The following WASF1 variants were observed in gnomAD, a reference collection of about 807,000 sequenced individuals.
WASF1 encodes actin-binding protein WASF1.
In WASF1, 7 loss-of-function variants were observed where a neutral mutation model predicts 50.5. That is an observed-to-expected ratio of 0.14 (90% CI 0.08 to 0.26). The LOEUF (loss-of-function observed/expected upper bound fraction) is 0.26, where lower values mean the gene tolerates loss of function less well. WASF1 is among the 10% of genes least tolerant of loss of function. The pLI, the probability that WASF1 is intolerant of heterozygous loss-of-function variation, is 1.00. For synonymous variants in WASF1, 205 were observed against 244.0 expected (o/e 0.84, Z 1.49); for missense variants, 470 against 694.7 (o/e 0.68, Z 3.64).
At chr6:110,118,567 A>G (rs1773923012) in intron 4 of WASF1, among the ~76,000 whole-genome samples, 1 of 152,078 alleles carries the variant, frequency 6.6e-6, no homozygotes, top group African/African-American at 2.4e-5. Context: ...ACCTACAAAG[A>G]AACTTAGACT....
intron 3 of WASF1, among the ~76,000 whole-genome samples, chr6:110,136,454 CTGAGT>C (rs1479701735): frequency 1.3e-5 from 2 of 152,144 alleles, no homozygotes; most frequent in Non-Finnish European, 2.9e-5. Context: ...TATAGCTTTA[CTGAGT>C]TTTGTCTACT....
At chr6:110,108,226 C>T (rs929122798) in intron 6 of WASF1, among the ~76,000 whole-genome samples, 4 of 150,440 alleles carry the variant, frequency 2.7e-5, no homozygotes, top group Non-Finnish European at 4.4e-5. Context: ...GAGCTTTTTC[C>T]ATTTGATTAA....
At chr6:110,160,144 C>G (rs546497353) in intron 3 of WASF1, among the ~76,000 whole-genome samples, 14 of 151,820 alleles carry the variant, frequency 9.2e-5, no homozygotes, top group South Asian at 8.3e-4. Context: ...CTTGTTACAT[C>G]ACAGTAAAAA....
At chr6:110,166,933 C>T (rs903212509) in intron 2 of WASF1, among the ~76,000 whole-genome samples, 4 of 151,714 alleles carry the variant, frequency 2.6e-5, no homozygotes, top group Admixed American at 1.3e-4. Flanking sequence ...CAGAATCTTC[C>T]AAGGATAAAG....
At chr6:110,138,680 CA>C (rs1302740897) in intron 3 of WASF1, among the ~76,000 whole-genome samples, 2 of 152,278 alleles carry the variant, frequency 1.3e-5, no homozygotes, top group Non-Finnish European at 2.9e-5. Flanking sequence ...TGAGGAGACC[CA>C]AAGTGGGTAG....
chr6:110,132,103 C>T (rs1285228865), intron 3 of WASF1, among the ~76,000 whole-genome samples: 1 of 152,012 alleles, frequency 6.6e-6, no homozygotes, highest in Admixed American at 6.6e-5. Context: ...AAAGAGAAGT[C>T]TTATACATCA....
At chr6:110,114,034 A>C (rs901738616) in intron 4 of WASF1, among the ~76,000 whole-genome samples, 2 of 152,204 alleles carry the variant, frequency 1.3e-5, no homozygotes, top group Non-Finnish European at 2.9e-5. Flanking sequence ...TCATAACAAT[A>C]AATTTAAGTG....
At chr6:110,164,856 A>C (rs1192355287) in intron 2 of WASF1, among the ~76,000 whole-genome samples, 3 of 151,658 alleles carry the variant, frequency 2.0e-5, no homozygotes, top group African/African-American at 7.2e-5. Flanking sequence ...TGGAATATTC[A>C]GCGCTCAAAA....
intron 3 of WASF1, among the ~76,000 whole-genome samples, chr6:110,148,260 C>G (rs578209607): frequency 6.6e-6 from 1 of 151,884 alleles, no homozygotes; most frequent in Admixed American, 6.6e-5. Flanking sequence ...TCTAACCAAC[C>G]ATTTACTGAA....
chr6:110,174,058 C>T (rs1776823293), intron 2 of WASF1, among the ~76,000 whole-genome samples: 1 of 152,152 alleles, frequency 6.6e-6, no homozygotes, highest in Admixed American at 6.6e-5. Context: ...CCTCGTTAAA[C>T]CAAACCTCAC....
chr6:110,164,405 A>G (rs1776385510), intron 2 of WASF1, among the ~76,000 whole-genome samples: 1 of 151,690 alleles, frequency 6.6e-6, no homozygotes, highest in Non-Finnish European at 1.5e-5. Context: ...CTCAACAAAT[A>G]CTTCACCAAA....
chr6:110,170,029 C>T (rs894935894), intron 2 of WASF1, among the ~76,000 whole-genome samples: 1 of 152,008 alleles, frequency 6.6e-6, no homozygotes, highest in Non-Finnish European at 1.5e-5. Context: ...AACCACTTTA[C>T]CTATAGAGGG....
intron 3 of WASF1, among the ~76,000 whole-genome samples, chr6:110,143,780 G>C (rs966541568): frequency 1.3e-5 from 2 of 152,010 alleles, no homozygotes; most frequent in Non-Finnish European, 2.9e-5. Context: ...AATAATTTAC[G>C]ATCATTTAAA....
chr6:110,124,253 T>TCCTTCCTCTCTCTCC (rs1774300018), intron 4 of WASF1, among the ~76,000 whole-genome samples: 1 of 52,662 alleles, frequency 1.9e-5, no homozygotes, highest in Non-Finnish European at 3.3e-5. Context: ...TCTCTCTCTC[T>TCCTTCCTCTCTCTCC]CTCTCTCTCT....
At chr6:110,109,148 A>G (rs751567095) in intron 5 of WASF1, among the ~76,000 whole-genome samples, 45 of 152,258 alleles carry the variant, frequency 3.0e-4, no homozygotes, top group Non-Finnish European at 5.9e-4. Flanking sequence ...TACATATACT[A>G]TAAATATTGT....
At chr6:110,142,550 C>T (rs1775294180) in intron 3 of WASF1, among the ~76,000 whole-genome samples, 1 of 152,074 alleles carries the variant, frequency 6.6e-6, no homozygotes, top group Non-Finnish European at 1.5e-5. Flanking sequence ...CCTGAGAAAA[C>T]TGCCTGATTC....
At chr6:110,127,886 T>C (rs1258223398) in intron 3 of WASF1, among the ~76,000 whole-genome samples, 2 of 152,212 alleles carry the variant, frequency 1.3e-5, no homozygotes, top group African/African-American at 2.4e-5. Flanking sequence ...TTCCACTTAA[T>C]AGTTAATTAT....
intron 2 of WASF1, among the ~76,000 whole-genome samples, chr6:110,163,160 A>C (rs1776329902): frequency 6.6e-6 from 1 of 151,686 alleles, no homozygotes; most frequent in African/African-American, 2.4e-5. Flanking sequence ...ATAAGCATAA[A>C]TCTCATAAAA....
intron 3 of WASF1, among the ~76,000 whole-genome samples, chr6:110,144,164 G>A (rs1583993320): frequency 1.3e-5 from 2 of 152,300 alleles, no homozygotes; most frequent in East Asian, 3.9e-4. Flanking sequence ...TCTAACTGGT[G>A]TGAGATGGTA....
Sources: allele counts gnomAD v4.1 joint callset (sites outside exome capture counted in the v4.1 genomes callset), GRCh38; gene constraint gnomAD v4.1.1; transcripts MANE v1.5; gene names NCBI Gene and HGNC (gene_info 2026-07-23, HGNC 2026-07-21).